The following GLG1 variants were observed in gnomAD, a reference collection of about 807,000 sequenced individuals.
GLG1 encodes golgi glycoprotein 1.
GLG1 carries 38 observed loss-of-function variants against 160.5 expected under a neutral mutation model. That is an observed-to-expected ratio of 0.24 (90% CI 0.18 to 0.31). GLG1 has a LOEUF of 0.31. Among genes scored for constraint, GLG1 ranks in the 10% least tolerant of loss-of-function variants. The probability of loss-of-function intolerance (pLI) is 1.00; values close to 1 mark genes in which losing one functional copy is unlikely to be tolerated. For missense variants in GLG1, 1,373 were observed against 1,505.2 expected, an observed-to-expected ratio of 0.91 and a Z score of 1.45; for synonymous variants, 644 against 543.4, an observed-to-expected ratio of 1.19 and a Z score of -2.57.
intron 2 of GLG1, among the ~76,000 whole-genome samples, chr16:74,515,643 G>A (rs879600131): frequency 6.6e-6 from 1 of 151,746 alleles, no homozygotes; most frequent in Non-Finnish European, 1.5e-5. Context: ...CATGGCACAT[G>A]TATACATATG....
intron 25 of GLG1, 199 bp downstream of exon 25, chr16:74,456,450 G>A (rs928018321): frequency 6.5e-5 from 35 of 535,286 alleles, no homozygotes; most frequent in Non-Finnish European, 1.0e-4. Context: ...GCGAGCCACC[G>A]CGCCCGGCCC....
chr16:74,563,737 A>G lies in GLG1; in HGVS notation c.439-31584T>C, dbSNP rs558328490. On this transcript the variant is annotated intron_variant, in intron 1 of 25. Transcript: ENST00000422840. Reference sequence around the variant, plus strand: ...GTGAGACCCTGTCTCAAAAAAAAAAAAAAGAAAGAAAAAGAAAAAAAAAAG... The same window carrying G: ...GTGAGACCCTGTCTCAAAAAAAAAAGAAAGAAAGAAAAAGAAAAAAAAAAG... Among the ~76,000 whole-genome samples the G allele has an allele frequency of 9.9e-5, 15 of 152,136 alleles. No individual in the cohort carries two copies. The South Asian group carries it at 1.9e-3, about 19-fold the overall frequency.
At chr16:74,482,314 A>T (rs1223994984) in intron 10 of GLG1, among the ~76,000 whole-genome samples, 2 of 152,186 alleles carry the variant, frequency 1.3e-5, no homozygotes, top group East Asian at 3.8e-4. Flanking sequence ...AATCACCAAA[A>T]AAAATTAACT....
intron 3 of GLG1, among the ~76,000 whole-genome samples, chr16:74,504,560 T>C (rs2016528065): frequency 6.6e-6 from 1 of 152,196 alleles, no homozygotes; most frequent in Admixed American, 6.5e-5. Flanking sequence ...AGTGCTGGGA[T>C]TATAAGCGTG....
chr16:74,529,428 T>G (rs2017454601), intron 2 of GLG1, among the ~76,000 whole-genome samples: 4 of 151,860 alleles, frequency 2.6e-5, no homozygotes, highest in African/African-American at 9.7e-5. Flanking sequence ...TTAATTTTCC[T>G]CTATTTATAG....
chr16:74,494,707 G>T, intron 6 of GLG1, 53 bp downstream of exon 6: 1 of 863,890 alleles, frequency 1.2e-6, no homozygotes, highest in Non-Finnish European at 1.9e-6. Context: ...GTCTGGCTGA[G>T]AAAGCTTTTA....
At chr16:74,545,840 A>T (rs1379996376) in intron 1 of GLG1, among the ~76,000 whole-genome samples, 3 of 152,186 alleles carry the variant, frequency 2.0e-5, no homozygotes, top group Non-Finnish European at 4.4e-5. Flanking sequence ...CAGTCAATAT[A>T]ATTCTCTCAT....
intron 7 of GLG1, among the ~76,000 whole-genome samples, chr16:74,491,891 T>G (rs905345420): frequency 4.0e-5 from 6 of 151,168 alleles, no homozygotes; most frequent in Admixed American, 3.3e-4. Context: ...CCTCCCAAAG[T>G]GCTGGGATTA....
intron 2 of GLG1, among the ~76,000 whole-genome samples, chr16:74,524,739 A>C (rs375612580): frequency 6.6e-6 from 1 of 152,238 alleles, no homozygotes; most frequent in Admixed American, 6.5e-5. Flanking sequence ...CTCTGTTGAG[A>C]TAGAATTTAC....
Position 74,508,939 on chromosome 16 carries a change from GAAA to G in GLG1, c.472-17_472-15del. The G allele has an allele frequency of 4.9e-6, 4 of 823,488 alleles. No individual in the cohort carries two copies. Among genetic ancestry groups the G allele is most frequent in the Non-Finnish European group, 7.4e-6 (4 of 542,918 alleles). 51.0% of individuals were successfully genotyped at this position (823,488 alleles called of 1,614,324 possible). On this transcript the variant is annotated splice_polypyrimidine_tract_variant and intron_variant, in intron 2 of 25. Transcript: ENST00000422840. ...ATTCCACAACAACTAGATAGGAGAG[GAAA>G]AAAAAAAACAAAGAAAAACTCCAGT...
At chr16:74,570,848 A>G (rs2018804337) in intron 1 of GLG1, among the ~76,000 whole-genome samples, 1 of 152,132 alleles carries the variant, frequency 6.6e-6, no homozygotes, top group African/African-American at 2.4e-5. Context: ...CAATCATGCC[A>G]CTGCATTCCA....
chr16:74,501,679 T>C (rs1368969125), intron 4 of GLG1, among the ~76,000 whole-genome samples: 1 of 152,192 alleles, frequency 6.6e-6, no homozygotes, highest in African/African-American at 2.4e-5. Flanking sequence ...AAAAGCCTCA[T>C]TTCTGATTCC....
chr16:74,450,795 C>G lies in GLG1; in HGVS notation c.*2372G>C, dbSNP rs1304203291. 6.6e-6 allele frequency: 1 copy of G among 150,816 alleles called. No individual in the cohort carries two copies. The allele number at this position is 150,816 out of a possible 1,614,324, so 9.3% of individuals were successfully genotyped here. A position where few individuals can be genotyped will look rare whatever the true frequency, so the allele number is the denominator to read the frequency against. Reference sequence around the variant, plus strand: ...CCCAGGAGGTGGAGGTTGCAGGGAGCTGAGATCGCGCCACTGCACTGCAGC... The same window carrying G: ...CCCAGGAGGTGGAGGTTGCAGGGAGGTGAGATCGCGCCACTGCACTGCAGC... On this transcript the variant is annotated 3_prime_UTR_variant, in exon 26 of 26. Coordinates refer to ENST00000422840, the MANE Select transcript of GLG1 (RefSeq NM_001145667.2).
intron 12 of GLG1, among the ~76,000 whole-genome samples, chr16:74,476,620 T>A (rs1042706113): frequency 6.6e-6 from 1 of 152,198 alleles, no homozygotes; most frequent in Non-Finnish European, 1.5e-5. Context: ...TGCATTCAGA[T>A]GGAAGACAGC....
At chr16:74,577,707 G>C (rs979554233) in intron 1 of GLG1, among the ~76,000 whole-genome samples, 6 of 152,016 alleles carry the variant, frequency 3.9e-5, no homozygotes, top group Admixed American at 1.3e-4. Flanking sequence ...TTGATCTCTT[G>C]AGCTCAAGCA....
At chr16:74,536,731 G>T (rs1174842195) in intron 1 of GLG1, among the ~76,000 whole-genome samples, 2 of 152,098 alleles carry the variant, frequency 1.3e-5, no homozygotes, top group Admixed American at 6.5e-5. Flanking sequence ...TATAACATGG[G>T]TGTAACTAAT....
intron 1 of GLG1, among the ~76,000 whole-genome samples, chr16:74,603,829 A>AT (rs1284571914): frequency 6.6e-6 from 1 of 152,030 alleles, no homozygotes; most frequent in Non-Finnish European, 1.5e-5. Flanking sequence ...ACACTTTCTA[A>AT]TTTTTTGTTT....
intron 4 of GLG1, among the ~76,000 whole-genome samples, chr16:74,497,599 G>A (rs953345539): frequency 4.6e-5 from 7 of 151,760 alleles, no homozygotes; most frequent in South Asian, 2.1e-4. Context: ...CACCACGCCC[G>A]GCTAATTTTT....
intron 3 of GLG1, among the ~76,000 whole-genome samples, chr16:74,505,871 A>T (rs548736527): frequency 1.8e-4 from 27 of 151,962 alleles, no homozygotes; most frequent in Non-Finnish European, 3.5e-4. Context: ...AATAAACAAA[A>T]AACCCAAAAT....
Sources: allele counts gnomAD v4.1 joint callset (sites outside exome capture counted in the v4.1 genomes callset), GRCh38; gene constraint gnomAD v4.1.1; transcripts MANE v1.5; gene names NCBI Gene and HGNC (gene_info 2026-07-23, HGNC 2026-07-21).